Variants in DLGAP2 observed in about 807,000 individuals in gnomAD.
The protein encoded by DLGAP2 is DLG associated protein 2, also known as disks large-associated protein 2.
In DLGAP2, 26 loss-of-function variants were observed where a neutral mutation model predicts 100.3. The ratio of observed to expected loss-of-function variants is 0.26; its 90% CI spans 0.19 to 0.36. DLGAP2 has a LOEUF of 0.36. Among genes scored for constraint, DLGAP2 ranks in the 10% least tolerant of loss-of-function variants. The probability of loss-of-function intolerance (pLI) is 1.00; values close to 1 mark genes in which losing one functional copy is unlikely to be tolerated. For synonymous variants in DLGAP2, 886 were observed against 630.1 expected, an observed-to-expected ratio of 1.41 and a Z score of -6.08; for missense variants, 1,858 against 1,453.2, an observed-to-expected ratio of 1.28 and a Z score of -4.53.
At position 859,490 on chromosome 8, in the gene DLGAP2, G is replaced by A. The variant is rs1037933642; in HGVS notation, c.19-48422G>A. On this transcript the variant is annotated intron_variant, in intron 1 of 14. Coordinates refer to ENST00000637795, the MANE Select transcript of DLGAP2 (RefSeq NM_001346810.2). ...GTGCCTTGCCTGAGAGCTGGTTAGC[G>A]GCACGTGTGAGCTGATCTCCATTCT... Among the ~76,000 whole-genome samples the A allele has an allele frequency of 1.3e-5, 2 of 152,044 alleles. 1 individual carries two copies. The highest frequency in any genetic ancestry group is 4.2e-4 in the South Asian group (2 of 4,818).
intron 2 of DLGAP2, among the ~76,000 whole-genome samples, chr8:1,193,935 T>C (rs17065767): frequency 0.082 from 12,530 of 152,160 alleles, 1,430 homozygotes; most frequent in African/African-American, 0.26. Flanking sequence ...GTTTTCGTTC[T>C]CAGTAATTTA....
At chr8:783,516 C>T (rs1821756896) in intron 1 of DLGAP2, among the ~76,000 whole-genome samples, 2 of 152,220 alleles carry the variant, frequency 1.3e-5, no homozygotes, top group African/African-American at 2.4e-5. Context: ...CACCTTAGCA[C>T]AGCAGACTTC....
chr8:867,241 T>C (rs971818630), intron 1 of DLGAP2, among the ~76,000 whole-genome samples: 15 of 152,280 alleles, frequency 9.9e-5, no homozygotes, highest in Non-Finnish European at 1.6e-4. Context: ...GGGTCTTTCC[T>C]GGATGCAACC....
At chr8:812,913 G>T (rs1004405691) in intron 1 of DLGAP2, among the ~76,000 whole-genome samples, 1 of 152,176 alleles carries the variant, frequency 6.6e-6, no homozygotes. Flanking sequence ...TAGATTAATA[G>T]TGCTTTTGAA....
chr8:1,019,931 G>A (rs1801581493), intron 2 of DLGAP2, among the ~76,000 whole-genome samples: 1 of 152,146 alleles, frequency 6.6e-6, no homozygotes, highest in African/African-American at 2.4e-5. Flanking sequence ...GGCGTGGGGA[G>A]GGACAAAAGT....
chr8:1,388,028 G>A (rs1443906237), intron 3 of DLGAP2, among the ~76,000 whole-genome samples: 1 of 152,258 alleles, frequency 6.6e-6, no homozygotes, highest in African/African-American at 2.4e-5. Flanking sequence ...CTGGCCAGAC[G>A]TGGATGCAGC....
intron 1 of DLGAP2, among the ~76,000 whole-genome samples, chr8:783,196 T>A (rs1306536317): frequency 6.6e-6 from 1 of 152,248 alleles, no homozygotes; most frequent in Non-Finnish European, 1.5e-5. Flanking sequence ...ATGTGTCTTT[T>A]TTGCGCTGCT....
At chr8:1,153,078 C>G (rs1257114231) in intron 2 of DLGAP2, among the ~76,000 whole-genome samples, 2 of 152,282 alleles carry the variant, frequency 1.3e-5, no homozygotes, top group East Asian at 3.9e-4. Flanking sequence ...TTTCAAGAAA[C>G]TACCTTTGAG....
At chr8:1,231,304 T>G (rs1484633360) in intron 2 of DLGAP2, among the ~76,000 whole-genome samples, 3 of 152,170 alleles carry the variant, frequency 2.0e-5, no homozygotes, top group Non-Finnish European at 2.9e-5. Context: ...CTCACGCCAG[T>G]CAGAATGACT....
chr8:881,839 A>G (rs1797804369), intron 1 of DLGAP2, among the ~76,000 whole-genome samples: 1 of 151,986 alleles, frequency 6.6e-6, no homozygotes, highest in African/African-American at 2.4e-5. Context: ...TATTGGAAAC[A>G]TATGCCCTGT....
intron 1 of DLGAP2, among the ~76,000 whole-genome samples, chr8:773,617 G>A (rs1182742206): frequency 6.6e-5 from 10 of 150,762 alleles, no homozygotes; most frequent in East Asian, 5.9e-4. Context: ...TTGTTCTTGC[G>A]ATAGTTTACT....
At chr8:1,069,549 T>A (rs1162228649) in intron 2 of DLGAP2, among the ~76,000 whole-genome samples, 1 of 152,164 alleles carries the variant, frequency 6.6e-6, no homozygotes, top group Non-Finnish European at 1.5e-5. Context: ...GACCTGCACA[T>A]CCGAGAGTCC....
At chr8:1,235,436 C>T (rs1470502951) in intron 2 of DLGAP2, among the ~76,000 whole-genome samples, 1 of 152,138 alleles carries the variant, frequency 6.6e-6, no homozygotes, top group African/African-American at 2.4e-5. Context: ...TTCCCTCACA[C>T]ATGGCGTCGT....
At chr8:1,700,191 T>C (rs1352663236) in intron 14 of DLGAP2, among the ~76,000 whole-genome samples, 1 of 152,188 alleles carries the variant, frequency 6.6e-6, no homozygotes, top group Non-Finnish European at 1.5e-5. Context: ...TACAAGCACC[T>C]CTGGGCTCCC....
intron 1 of DLGAP2, among the ~76,000 whole-genome samples, chr8:779,490 G>T (rs764625500): frequency 1.3e-5 from 2 of 149,436 alleles, no homozygotes; most frequent in East Asian, 3.9e-4. Flanking sequence ...TTCAGACAGG[G>T]TCTTGCTCTG....
At chr8:1,308,253 T>C (rs148540283) in intron 3 of DLGAP2, among the ~76,000 whole-genome samples, 2,689 of 152,286 alleles carry the variant, frequency 0.018, 30 homozygotes, top group South Asian at 0.031. Context: ...TTTAATGAGA[T>C]ATCTGTCAAC....
intron 8 of DLGAP2, among the ~76,000 whole-genome samples, chr8:1,638,033 C>T (rs772444698): frequency 3.9e-5 from 6 of 152,136 alleles, no homozygotes; most frequent in South Asian, 2.1e-4. Flanking sequence ...TCGCAGGGCA[C>T]CCGGCCTGGA....
chr8:1,289,060 G>A (rs546029253), intron 3 of DLGAP2, among the ~76,000 whole-genome samples: 20 of 152,242 alleles, frequency 1.3e-4, no homozygotes, highest in African/African-American at 3.6e-4. Context: ...AGATAGAGCC[G>A]GTATTGCTTC....
intron 1 of DLGAP2, among the ~76,000 whole-genome samples, chr8:797,445 C>T (rs990130548): frequency 6.6e-6 from 1 of 152,324 alleles, no homozygotes; most frequent in East Asian, 1.9e-4. Context: ...TTTCGCCTTT[C>T]CATTCTCTGG....
Sources: gnomAD v4.1 joint callset for allele counts (sites outside exome capture counted in the v4.1 genomes callset) on GRCh38, gnomAD v4.1.1 for gene constraint, MANE v1.5 for transcripts, NCBI Gene and HGNC (gene_info 2026-07-23, HGNC 2026-07-21) for gene names.